Variants in FRRS1 observed in about 807,000 individuals in gnomAD.
The protein encoded by FRRS1 is ferric reductase 1.
A neutral mutation model predicts 70.7 loss-of-function variants in FRRS1; 51 were observed. The observed-to-expected ratio is 0.72, with a 90% CI of 0.58 to 0.91. FRRS1 has a LOEUF of 0.91. Ranked by LOEUF, FRRS1 falls within the 40% of genes least tolerant of loss-of-function variation. FRRS1 has a pLI of 0.00. For synonymous variants in FRRS1, 225 were observed against 238.7 expected, an observed-to-expected ratio of 0.94 and a Z score of 0.53; for missense variants, 672 against 726.0, an observed-to-expected ratio of 0.93 and a Z score of 0.86.
chr1:99,733,840 T>C (rs1366155771), intron 7 of FRRS1, among the ~76,000 whole-genome samples: 3 of 152,220 alleles, frequency 2.0e-5, no homozygotes, highest in African/African-American at 7.2e-5. Flanking sequence ...AGATTATTCA[T>C]ACAGACTCAA....
Position 99,709,247 on chromosome 1 carries a change from T to G in FRRS1, c.1637A>C (p.Asp546Ala). ...YRLSRKVEILDDDRIQILQSF... is the reference protein window; with the variant it reads ...YRLSRKVEILADDRIQILQSF... ...CTGAAGGATCTGAATTCTGTCATCA[T>G]CCAATATTTCAACTGTCAAGAATAA... Residue 546 changes from aspartate to alanine, a missense_variant, in exon 16 of 17, where the codon GAT becomes GCT. Coordinates refer to ENST00000646001, the MANE Select transcript of FRRS1 (RefSeq NM_001361041.2). The G allele has an allele frequency of 6.2e-7, 1 of 1,605,074 alleles. No individual in the cohort carries two copies. Among genetic ancestry groups the G allele is most frequent in the South Asian group, 1.1e-5 (1 of 90,836 alleles).
Position 99,709,061 on chromosome 1 carries a change from G to A in FRRS1, c.1746C>T (p.Leu582=), listed in dbSNP as rs2100894993. Residue 582 remains leucine, a synonymous_variant, in exon 17 of 17, where the codon CTC becomes CTT. Transcript: ENST00000646001. The stretch of plus-strand genomic sequence containing the variant: ...GGTTGATTGCAGATAAAAATATGAT[G>A]AGAAAAGTAACATTCCCACAGACAT... ...AIYVCGNVTF[L]IIFLSAINHL is the part of the protein sequence containing the mutation. 1 of 1,613,646 alleles carries A rather than the reference G, an allele frequency of 6.2e-7. No homozygotes were observed. The highest frequency in any genetic ancestry group is 8.5e-7 in the Non-Finnish European group (1 of 1,179,932).
intron 6 of FRRS1, among the ~76,000 whole-genome samples, chr1:99,739,138 C>T (rs1655827610): frequency 6.6e-6 from 1 of 152,100 alleles, no homozygotes; most frequent in Non-Finnish European, 1.5e-5. Flanking sequence ...ATCATGTTTG[C>T]CAAAGGACTT....
chr1:99,720,514 TC>T (rs1229577090), intron 9 of FRRS1, among the ~76,000 whole-genome samples: 1 of 152,036 alleles, frequency 6.6e-6, no homozygotes, highest in Non-Finnish European at 1.5e-5. Flanking sequence ...TGAACCTTTG[TC>T]TAAAACAAAT....
intron 1 of FRRS1, among the ~76,000 whole-genome samples, chr1:99,754,026 A>G (rs1443093483): frequency 6.6e-6 from 1 of 152,218 alleles, no homozygotes; most frequent in Non-Finnish European, 1.5e-5. Context: ...CAAACCAAGG[A>G]AAGTTATCAG....
chr1:99,758,554 C>T (rs920490720), intron 1 of FRRS1, among the ~76,000 whole-genome samples: 4 of 152,138 alleles, frequency 2.6e-5, no homozygotes, highest in Admixed American at 2.0e-4. Flanking sequence ...TGAGGATGTA[C>T]GTCATCTCAG....
In FRRS1 at chr1:99,715,537, T is replaced by C. The variant is rs117665513; in HGVS notation, c.1323+49A>G. The C allele has an allele frequency of 1.8e-3, 1,885 of 1,043,798 alleles. 19 individuals carry two copies. In the East Asian group the frequency reaches 0.019, roughly 11 times the overall value. 64.7% of individuals were successfully genotyped at this position (1,043,798 alleles called of 1,614,324 possible). ...TTTGAAAATAAAACAGCAATCTGTT[T>C]TGACATAAAATGGATTTATAAAAAA... On this transcript the variant is annotated intron_variant, in intron 12 of 16. Transcript: ENST00000646001.
chr1:99,758,766 G>A (rs545624280), intron 1 of FRRS1, among the ~76,000 whole-genome samples: 1 of 152,178 alleles, frequency 6.6e-6, no homozygotes, highest in Non-Finnish European at 1.5e-5. Context: ...ATAAACAGAT[G>A]TGCAAGTAGG....
chr1:99,724,818 G>A (rs1187836836), intron 9 of FRRS1, among the ~76,000 whole-genome samples: 2 of 151,340 alleles, frequency 1.3e-5, no homozygotes, highest in African/African-American at 4.9e-5. Context: ...AGCTTGTGCT[G>A]CAAATATATG....
rs1654046504 is a variant in FRRS1 at position 99,706,713 on chromosome 1, T to C, written c.*2315A>G. ...GTTTGGGACCAGCCTGGCCAAAATGTGAAACCCCCGTCTCTACTAAAAATA... is the reference window on the plus strand; with the variant it reads ...GTTTGGGACCAGCCTGGCCAAAATGCGAAACCCCCGTCTCTACTAAAAATA... On this transcript the variant is annotated 3_prime_UTR_variant, in exon 17 of 17. Transcript: ENST00000646001. 6.6e-6 allele frequency among the ~76,000 whole-genome samples: 1 copy of C among 151,980 alleles called. No individual in the cohort carries two copies. The highest frequency in any genetic ancestry group is 1.5e-5 in the Non-Finnish European group (1 of 67,994).
chr1:99,729,104 A>T (rs1655215657), intron 8 of FRRS1, among the ~76,000 whole-genome samples: 1 of 152,262 alleles, frequency 6.6e-6, no homozygotes, highest in South Asian at 2.1e-4. Flanking sequence ...CTGCTCCGTC[A>T]GAGCTCATTT....
At chr1:99,722,880 C>A (rs560210099) in intron 9 of FRRS1, among the ~76,000 whole-genome samples, 1 of 152,138 alleles carries the variant, frequency 6.6e-6, no homozygotes. Context: ...GGGCTATTAA[C>A]CTGCCATTAT....
At position 99,704,381 on chromosome 1, in the gene FRRS1, C is replaced by A. The variant is rs775156483; in HGVS notation, c.*4647G>T. Among the ~76,000 whole-genome samples, 2 of 152,152 alleles carry A rather than the reference C, an allele frequency of 1.3e-5. No homozygotes were observed. Among genetic ancestry groups the A allele is most frequent in the East Asian group, 1.9e-4 (1 of 5,186 alleles). ...GTTGGACAGCAAGTCAGGGAAGGAGCTAGAACTTGATAAACTAGCTTTTGT... is the reference window on the plus strand; with the variant it reads ...GTTGGACAGCAAGTCAGGGAAGGAGATAGAACTTGATAAACTAGCTTTTGT... On this transcript the variant is annotated 3_prime_UTR_variant, in exon 17 of 17. Transcript: ENST00000646001.
rs777097398 is a variant in FRRS1, at chr1:99,709,003, T to C, written c.*25A>G. The C allele has an allele frequency of 6.2e-7, 1 of 1,614,032 alleles. No individual in the cohort carries two copies. On this transcript the variant is annotated 3_prime_UTR_variant, in exon 17 of 17. Coordinates refer to ENST00000646001, the MANE Select transcript of FRRS1 (RefSeq NM_001361041.2). ...GTTTGATGATAATTATCACTTGGCC[T>C]GCAAAAGCCAAGGTCTTTGCTTGCT...
chr1:99,731,276 A>T (rs1326931616), intron 7 of FRRS1, among the ~76,000 whole-genome samples: 1 of 152,206 alleles, frequency 6.6e-6, no homozygotes, highest in Non-Finnish European at 1.5e-5. Flanking sequence ...TAGTCACCCA[A>T]TTCCTTAAAC....
Position 99,747,423 on chromosome 1 carries a change from C to G in FRRS1, c.204G>C (p.Leu68Phe), listed in dbSNP as rs144424214. 5.0e-6 allele frequency: 8 copies of G among 1,607,454 alleles called. No homozygotes were observed. In the African/African-American group the frequency reaches 8.1e-5, roughly 16 times the overall value. Residue 68 changes from leucine (L) to phenylalanine (F), a missense_variant, in exon 4 of 17, where the codon TTG becomes TTC. Coordinates refer to ENST00000646001, the MANE Select transcript of FRRS1 (RefSeq NM_001361041.2). The stretch of plus-strand genomic sequence containing the variant: ...GAAAGCCTTTAAATGGATGCCCTGA[C>G]AAAGTAACTGAGAAAAAGACAAAAG... ...FRPGDQIEVT[L>F]SGHPFKGFLL...
At position 99,738,144 on chromosome 1, in the gene FRRS1, T is replaced by C. The variant is rs1225351861; in HGVS notation, c.701A>G (p.Glu234Gly). ...ATAGCCTTTACTGGGGCCGCTCATT[T>C]CAACCATCACCGATTGGTCATCTCT... ...FTRDDQSVMV[E>G]MSGPSKGYLS... The change falls in exon 7 of 17, where the codon GAA (glutamate) becomes GGA (glycine). Residue 234 changes from glutamate to glycine, a missense_variant. By Grantham distance (98) the Glu-to-Gly change is moderately conservative. Coordinates refer to ENST00000646001, the MANE Select transcript of FRRS1 (RefSeq NM_001361041.2). 1.9e-6 allele frequency: 3 copies of C among 1,613,808 alleles called. No individual in the cohort carries two copies. The African/African-American group carries it at 4.0e-5, about 22-fold the overall frequency.
In FRRS1 at chr1:99,707,929, G is replaced by A. The variant is rs1229133170; in HGVS notation, c.*1099C>T. On this transcript the variant is annotated 3_prime_UTR_variant, in exon 17 of 17. Transcript: ENST00000646001. ...AATATCTATTAGATATGTTCACAAGGGTTTTATCAATTTTGAAATCCAAGT... is the reference window on the plus strand; with the variant it reads ...AATATCTATTAGATATGTTCACAAGAGTTTTATCAATTTTGAAATCCAAGT... Among the ~76,000 whole-genome samples the A allele has an allele frequency of 6.6e-6, 1 of 152,008 alleles. No individual in the cohort carries two copies. The highest frequency in any genetic ancestry group is 2.4e-5 in the African/African-American group (1 of 41,360).
chr1:99,715,824 G>GAA (rs371969010), intron 11 of FRRS1, 152 bp from the exon 12 acceptor site: 3,382 of 372,172 alleles, frequency 9.1e-3, no homozygotes, highest in South Asian at 0.015. Context: ...GCCAGGTTAA[G>GAA]AAAAAAAAAA....
Sources: allele counts gnomAD v4.1 joint callset (sites outside exome capture counted in the v4.1 genomes callset), GRCh38; gene constraint gnomAD v4.1.1; transcripts MANE v1.5; gene names NCBI Gene and HGNC (gene_info 2026-07-23, HGNC 2026-07-21).